Variants in RASSF3 observed in about 807,000 individuals in gnomAD.
RASSF3 encodes the protein Ras association domain family member 3.
RASSF3 carries 19 observed loss-of-function variants against 19.9 expected under a neutral mutation model. The ratio of observed to expected loss-of-function variants is 0.96; its 90% confidence interval spans 0.67 to 1.40. The LOEUF is 1.40. Among genes scored for constraint, RASSF3 ranks in the 40% most tolerant of loss-of-function variants. RASSF3 has a pLI of 0.00. For missense variants in RASSF3, 306 were observed against 289.8 expected (o/e 1.06, Z -0.41); for synonymous variants, 110 against 104.2 (o/e 1.06, Z -0.34).
At chr12:64,520,381 T>C (rs750416175) in intron 1 of RASSF3, among the ~76,000 whole-genome samples, 2 of 151,724 alleles carry the variant, frequency 1.3e-5, no homozygotes, top group Non-Finnish European at 2.9e-5. Context: ...CAGGCTGGTC[T>C]CAAACTCCTG....
Position 64,694,932 on chromosome 12 carries a change from G to A in RASSF3, c.*20G>A, listed in dbSNP as rs764207821. 4 of 1,612,636 alleles carry A rather than the reference G, an allele frequency of 2.5e-6. No homozygotes were observed. The African/African-American group carries it at 5.3e-5, about 22-fold the overall frequency. On this transcript the variant is annotated 3_prime_UTR_variant, in exon 5 of 5. Coordinates refer to ENST00000542104, the MANE Select transcript of RASSF3 (RefSeq NM_178169.4). ...GATTAAAGCGGGGCTCCCTGCCCGT[G>A]AGGCCCGGTGCAGGACCGATGTACA...
At chr12:64,541,801 T>C (rs1868938867), downstream of RASSF3, 1 of 396,736 alleles carries the variant, frequency 2.5e-6, no homozygotes, top group Admixed American at 4.4e-5. Context: ...GGCTTACGTA[T>C]GTATCTTCAG....
intron 1 of RASSF3, among the ~76,000 whole-genome samples, chr12:64,680,770 T>C (rs898926909): frequency 1.3e-5 from 2 of 152,136 alleles, no homozygotes; most frequent in Non-Finnish European, 1.5e-5. Context: ...CTTGCCGCCA[T>C]GCCCAGCTAA....
intron 1 of RASSF3, among the ~76,000 whole-genome samples, chr12:64,515,276 C>T (rs1158850726): frequency 1.3e-5 from 2 of 152,082 alleles, no homozygotes; most frequent in Admixed American, 6.6e-5. Context: ...AGGCTGATCT[C>T]GAACTCCTGA....
At position 64,604,643 on chromosome 12, in the gene RASSF3, T is replaced by A. The variant is rs550929658; in HGVS notation, c.294+62938T>A. Among the ~76,000 whole-genome samples the A allele has an allele frequency of 3.9e-5, 6 of 152,082 alleles. No homozygotes were observed. In the East Asian group the frequency reaches 1.2e-3, roughly 30 times the overall value. ...CAGGCTGATGTAACCAACTCTTTTT[T>A]TTTTTTTCTTTTGAGATGGAGTCTT... On this transcript the variant is annotated intron_variant, in intron 2 of 5. Coordinates refer to the RASSF3 transcript ENST00000637125.
At chr12:64,639,214 A>G (rs1871427405) in intron 1 of RASSF3, among the ~76,000 whole-genome samples, 1 of 152,228 alleles carries the variant, frequency 6.6e-6, no homozygotes, top group Admixed American at 6.5e-5. Flanking sequence ...GAATATACAC[A>G]ATAAGAAATA....
At chr12:64,611,607 G>A (rs1870368045) in intron 1 of RASSF3, 1 of 152,240 alleles carries the variant, frequency 6.6e-6, no homozygotes, top group African/African-American at 2.4e-5. Context: ...CGCACCAGGG[G>A]AGCCGGGCCA....
intron 1 of RASSF3, among the ~76,000 whole-genome samples, chr12:64,657,719 C>G (rs1872210397): frequency 6.6e-6 from 1 of 152,250 alleles, no homozygotes. Context: ...CAGGATAAAA[C>G]TGTGCCCCCA....
rs1000243774 is a variant in RASSF3, at chr12:64,641,403, C to T, written c.111+30660C>T. Among the ~76,000 whole-genome samples the T allele has an allele frequency of 2.2e-5, 3 of 138,858 alleles. No individual in the cohort carries two copies. The South Asian group carries it at 6.9e-4, about 32-fold the overall frequency. 91.1% of individuals were successfully genotyped at this position (138,858 alleles called of 152,430 possible). ...AGAGTGAGACCCTGTCTCACAGGCG[C>T]ACACACACACACGCGCGCGCGCGCG... is the stretch of plus-strand genomic sequence containing the variant. On this transcript the variant is annotated intron_variant, in intron 1 of 4. Coordinates refer to ENST00000542104, the MANE Select transcript of RASSF3 (RefSeq NM_178169.4).
At chr12:64,657,926 A>AC (rs1872216802) in intron 1 of RASSF3, among the ~76,000 whole-genome samples, 1 of 152,110 alleles carries the variant, frequency 6.6e-6, no homozygotes, top group African/African-American at 2.4e-5. Context: ...CTTCAAAAAA[A>AC]ATTAGCCAGA....
chr12:64,657,840 G>A (rs182355197), intron 1 of RASSF3, among the ~76,000 whole-genome samples: 11 of 152,318 alleles, frequency 7.2e-5, no homozygotes, highest in African/African-American at 2.6e-4. Flanking sequence ...CCAGTACTTT[G>A]GGAGGCTGAG....
chr12:64,535,430 T>A (rs1868803549), intron 1 of RASSF3, among the ~76,000 whole-genome samples: 1 of 152,036 alleles, frequency 6.6e-6, no homozygotes, highest in South Asian at 2.1e-4. Context: ...AGTGGTGCAA[T>A]CATGGCACAC....
intron 1 of RASSF3, among the ~76,000 whole-genome samples, chr12:64,674,108 G>T (rs1300528075): frequency 6.6e-6 from 1 of 152,122 alleles, no homozygotes; most frequent in Non-Finnish European, 1.5e-5. Flanking sequence ...GCTGCCCCAG[G>T]TGTGTGAGAG....
intron 1 of RASSF3, among the ~76,000 whole-genome samples, chr12:64,637,068 C>G (rs980441823): frequency 6.6e-6 from 1 of 152,000 alleles, no homozygotes; most frequent in African/African-American, 2.4e-5. Context: ...ATGCAATTTG[C>G]AAACAGTAAC....
intron 2 of RASSF3, among the ~76,000 whole-genome samples, chr12:64,553,907 G>C (rs1869207432): frequency 6.6e-6 from 1 of 150,456 alleles, no homozygotes; most frequent in Non-Finnish European, 1.5e-5. Context: ...AGCCTGGGAG[G>C]CCAAGGCTGA....
At chr12:64,602,783 C>A (rs1370550232) in intron 2 of RASSF3, among the ~76,000 whole-genome samples, 1 of 151,984 alleles carries the variant, frequency 6.6e-6, no homozygotes, top group African/African-American at 2.4e-5. Flanking sequence ...AGAAGGATTT[C>A]TCCCTATACT....
intron 2 of RASSF3, among the ~76,000 whole-genome samples, chr12:64,685,624 GAT>G (rs1873320163): frequency 1.3e-5 from 2 of 152,222 alleles, no homozygotes; most frequent in East Asian, 3.9e-4. Context: ...TATATAATAG[GAT>G]AGTTTTCTCT....
intron 1 of RASSF3, among the ~76,000 whole-genome samples, chr12:64,664,191 T>A (rs75883710): frequency 6.6e-6 from 1 of 152,190 alleles, no homozygotes; most frequent in Non-Finnish European, 1.5e-5. Flanking sequence ...TTGTCAATCA[T>A]GGTTCTTTGC....
chr12:64,585,359 T>C (rs1288638853), intron 2 of RASSF3, among the ~76,000 whole-genome samples: 1 of 152,112 alleles, frequency 6.6e-6, no homozygotes, highest in African/African-American at 2.4e-5. Flanking sequence ...GCTGACGACC[T>C]AGGGTCACCA....
Sources: gnomAD v4.1 joint callset for allele counts (sites outside exome capture counted in the v4.1 genomes callset) on GRCh38, gnomAD v4.1.1 for gene constraint, MANE v1.5 for transcripts, NCBI Gene and HGNC (gene_info 2026-07-23, HGNC 2026-07-21) for gene names.